Variants in PLAC1 observed in about 807,000 individuals in gnomAD.
PLAC1 encodes the protein placenta-specific protein 1.
For missense variants in PLAC1, 136 were observed against 163.2 expected, an observed-to-expected ratio of 0.83 and a Z score of 0.91; for synonymous variants, 68 against 62.1, an observed-to-expected ratio of 1.09 and a Z score of -0.44.
At chrX:134,576,582 G>A (rs1377942447) in intron 2 of PLAC1, among the ~76,000 whole-genome samples, 1 of 109,540 alleles carries the variant, frequency 9.1e-6, no homozygotes, top group Admixed American at 9.8e-5. Flanking sequence ...ATATATTGAA[G>A]TCTTAACCCC....
intron 2 of PLAC1, among the ~76,000 whole-genome samples, chrX:134,589,142 C>G (rs1228738749): frequency 9.0e-6 from 1 of 111,140 alleles, no homozygotes; most frequent in African/African-American, 3.3e-5. Flanking sequence ...GAACTGGAAA[C>G]CTGGAGAAGC....
intron 1 of PLAC1, among the ~76,000 whole-genome samples, chrX:134,619,381 G>A (rs1014110588): frequency 4.5e-5 from 5 of 111,893 alleles, no homozygotes. Flanking sequence ...GGCTGGACGC[G>A]GTGGCTCATG....
intron 1 of PLAC1, among the ~76,000 whole-genome samples, chrX:134,623,649 G>C (rs189920388): frequency 9.9e-5 from 11 of 111,567 alleles, no homozygotes; most frequent in African/African-American, 3.6e-4. Context: ...CTTCTGAGTG[G>C]GGCCAGCTGC....
chrX:134,692,642 T>G lies in PLAC1; in HGVS notation n.174+40793A>C, dbSNP rs183679871. On this transcript the variant is annotated intron_variant and non_coding_transcript_variant, in intron 2 of 2. Transcript: ENST00000466797. ...TCACAGAGCCAGTACTCATCCTGTCTAAGGGACACGTTGCTTTTGGTGCTC... is the reference window on the plus strand; with the variant it reads ...TCACAGAGCCAGTACTCATCCTGTCGAAGGGACACGTTGCTTTTGGTGCTC... Among the ~76,000 whole-genome samples the G allele has an allele frequency of 5.0e-4, 56 of 112,358 alleles. 1 individual carries two copies. Among genetic ancestry groups the G allele is most frequent in the African/African-American group, 1.7e-3 (53 of 30,980 alleles).
intron 2 of PLAC1, among the ~76,000 whole-genome samples, chrX:134,684,409 A>C: frequency 6.8e-5 from 2 of 29,626 alleles, no homozygotes; most frequent in Non-Finnish European, 6.5e-5. Flanking sequence ...GTGCTCTGCC[A>C]CTAAAAAAAA....
At chrX:134,735,162 G>A (rs1031993568) in intron 1 of PLAC1, among the ~76,000 whole-genome samples, 4 of 111,452 alleles carry the variant, frequency 3.6e-5, no homozygotes, top group African/African-American at 9.8e-5. Context: ...GGAAGCAGGG[G>A]CTCAGGAACC....
intron 2 of PLAC1, among the ~76,000 whole-genome samples, chrX:134,684,853 C>CTATA (rs2078510875): frequency 8.9e-6 from 1 of 112,126 alleles, no homozygotes; most frequent in South Asian, 3.7e-4. Context: ...ACATGGTCAT[C>CTATA]TATTTCAGCT....
intron 1 of PLAC1, among the ~76,000 whole-genome samples, chrX:134,735,957 TAAA>T (rs766171376): frequency 6.0e-5 from 5 of 83,966 alleles, no homozygotes; most frequent in Non-Finnish European, 2.4e-5. Flanking sequence ...CTGTCTACCT[TAAA>T]AAAAAAAAAA....
chrX:134,632,132 T>G (rs762561424), intron 1 of PLAC1, among the ~76,000 whole-genome samples: 2 of 111,716 alleles, frequency 1.8e-5, no homozygotes, highest in African/African-American at 3.3e-5. Flanking sequence ...CGGTGGTTCA[T>G]CACTCCTGAG....
chrX:134,571,951 G>A (rs1227323821), intron 2 of PLAC1, among the ~76,000 whole-genome samples: 5 of 111,647 alleles, frequency 4.5e-5, no homozygotes, highest in Non-Finnish European at 7.5e-5. Context: ...CAGTATACTC[G>A]TGACAGCATA....
chrX:134,631,053 C>T (rs1297853275), intron 1 of PLAC1, among the ~76,000 whole-genome samples: 2 of 110,905 alleles, frequency 1.8e-5, no homozygotes, highest in East Asian at 5.7e-4. Context: ...TTCCGGGAGC[C>T]GGTACAGGGA....
At chrX:134,753,669 T>C (rs747807527) in intron 1 of PLAC1, among the ~76,000 whole-genome samples, 13 of 111,115 alleles carry the variant, frequency 1.2e-4, no homozygotes, top group African/African-American at 4.2e-4. Flanking sequence ...TTAGATTTTA[T>C]AAAAAGAAAT....
intron 1 of PLAC1, among the ~76,000 whole-genome samples, chrX:134,641,071 C>A (rs768403813): frequency 9.9e-5 from 11 of 111,354 alleles, no homozygotes; most frequent in African/African-American, 3.6e-4. Flanking sequence ...ATAGTGAGAC[C>A]CCATCTCTCC....
intron 1 of PLAC1, among the ~76,000 whole-genome samples, chrX:134,748,726 G>A (rs2078734643): frequency 9.0e-6 from 1 of 111,406 alleles, no homozygotes; most frequent in Non-Finnish European, 1.9e-5. Flanking sequence ...TTAAATGGGG[G>A]GAACGTCTTG....
At chrX:134,737,520 C>A (rs148857177) in intron 1 of PLAC1, among the ~76,000 whole-genome samples, 1 of 112,743 alleles carries the variant, frequency 8.9e-6, no homozygotes, top group East Asian at 2.8e-4. Context: ...CCTGTTCACT[C>A]CTAACATTCA....
intron 2 of PLAC1, among the ~76,000 whole-genome samples, chrX:134,675,760 A>G (rs779769003): frequency 8.9e-6 from 1 of 111,811 alleles, no homozygotes; most frequent in South Asian, 3.8e-4. Context: ...GTGGGCAACC[A>G]ATACAGAAAA....
intron 2 of PLAC1, among the ~76,000 whole-genome samples, chrX:134,575,683 T>G (rs993456342): frequency 9.4e-6 from 1 of 106,332 alleles, no homozygotes; most frequent in Non-Finnish European, 1.9e-5. Context: ...GCAGGAGAAT[T>G]GCTTGAACCC....
At chrX:134,575,507 C>T (rs866015459) in intron 2 of PLAC1, among the ~76,000 whole-genome samples, 7 of 108,645 alleles carry the variant, frequency 6.4e-5, no homozygotes, top group Admixed American at 3.0e-4. Flanking sequence ...CAGTGGCTCA[C>T]GCCTGTAATC....
chrX:134,671,534 G>A (rs1171455763), intron 2 of PLAC1, among the ~76,000 whole-genome samples: 1 of 110,419 alleles, frequency 9.1e-6, no homozygotes, highest in African/African-American at 3.3e-5. Context: ...CTCAGGAAAC[G>A]TACAGTCATG....
Sources: allele counts gnomAD v4.1 joint callset (sites outside exome capture counted in the v4.1 genomes callset), GRCh38; gene constraint gnomAD v4.1.1; transcripts MANE v1.5; gene names NCBI Gene and HGNC (gene_info 2026-07-23, HGNC 2026-07-21).